The following ITFG1 variants were observed in gnomAD, a reference collection of about 807,000 sequenced individuals.
ITFG1 encodes the protein T-cell immunomodulatory protein.
Under a neutral mutation model 81.8 loss-of-function variants are expected in ITFG1, and 34 were observed. The observed-to-expected ratio is 0.42, with a 90% CI of 0.32 to 0.55. ITFG1 has a LOEUF of 0.55. Ranked by LOEUF, ITFG1 falls within the 20% of genes least tolerant of loss-of-function variation. The probability of loss-of-function intolerance (pLI) is 0.17; values close to 1 mark genes in which losing one functional copy is unlikely to be tolerated. For synonymous variants in ITFG1, 285 were observed against 270.6 expected, an observed-to-expected ratio of 1.05 and a Z score of -0.52; for missense variants, 672 against 755.4, an observed-to-expected ratio of 0.89 and a Z score of 1.29.
chr16:47,354,451 T>TA (rs909674796), intron 8 of ITFG1, among the ~76,000 whole-genome samples: 4 of 152,102 alleles, frequency 2.6e-5, no homozygotes, highest in Admixed American at 6.6e-5. Context: ...CTGAAACTAC[T>TA]AAAAAAATAC....
chr16:47,379,908 A>G (rs1035084078), intron 6 of ITFG1, among the ~76,000 whole-genome samples: 2 of 152,130 alleles, frequency 1.3e-5, no homozygotes, highest in African/African-American at 4.8e-5. Flanking sequence ...AATATGAGGC[A>G]AACACTAATG....
intron 14 of ITFG1, among the ~76,000 whole-genome samples, chr16:47,173,341 G>T (rs1964983185): frequency 6.6e-6 from 1 of 152,138 alleles, no homozygotes; most frequent in Non-Finnish European, 1.5e-5. Flanking sequence ...TGAGGGCTGA[G>T]ATTTGAGTCT....
chr16:47,270,078 A>G (rs1466299364), intron 10 of ITFG1, among the ~76,000 whole-genome samples: 1 of 152,188 alleles, frequency 6.6e-6, no homozygotes, highest in Non-Finnish European at 1.5e-5. Flanking sequence ...AGGAACTCGG[A>G]TATAATGGAT....
intron 8 of ITFG1, among the ~76,000 whole-genome samples, chr16:47,344,402 G>T (rs746178518): frequency 3.9e-5 from 6 of 152,148 alleles, no homozygotes; most frequent in Non-Finnish European, 7.4e-5. Flanking sequence ...CCAAAACTGA[G>T]ATTGTTGTTA....
In ITFG1 at chr16:47,221,711, T is replaced by A. The variant is rs2151528079; in HGVS notation, c.1375-2765A>T. ...GAATTCGGCTGTGAATCCCATCAGG[T>A]CCTGGACTCTTTTTGGTTGGTAAGC... On this transcript the variant is annotated intron_variant, in intron 13 of 17. Coordinates refer to ENST00000320640, the MANE Select transcript of ITFG1 (RefSeq NM_030790.5). 1.3e-5 allele frequency among the ~76,000 whole-genome samples: 2 copies of A among 152,314 alleles called. 1 individual carries two copies. The highest frequency in any genetic ancestry group is 4.1e-4 in the South Asian group (2 of 4,820).
chr16:47,410,954 C>G (rs1270438884), intron 6 of ITFG1, among the ~76,000 whole-genome samples: 2 of 152,162 alleles, frequency 1.3e-5, no homozygotes, highest in African/African-American at 4.8e-5. Flanking sequence ...GCCACCCCAT[C>G]CGCCAGCCTC....
upstream of ITFG1, chr16:47,461,106 C>T (rs1969537333): frequency 1.5e-5 from 21 of 1,423,410 alleles, no homozygotes; most frequent in Non-Finnish European, 2.0e-5. Flanking sequence ...CCGCAAAGCA[C>T]CGCGTTACCG....
At chr16:47,352,164 C>T (rs543155873) in intron 8 of ITFG1, among the ~76,000 whole-genome samples, 1 of 152,110 alleles carries the variant, frequency 6.6e-6, no homozygotes, top group African/African-American at 2.4e-5. Flanking sequence ...ACTTCATGTC[C>T]CAAATACCAA....
chr16:47,415,228 A>G (rs1968859486), intron 6 of ITFG1, among the ~76,000 whole-genome samples: 1 of 152,220 alleles, frequency 6.6e-6, no homozygotes, highest in African/African-American at 2.4e-5. Flanking sequence ...TTTAGTTATG[A>G]AATGAGGTGA....
chr16:47,313,945 A>G (rs1596885286), intron 8 of ITFG1, 122 bp from the exon 9 acceptor site: 2 of 492,234 alleles, frequency 4.1e-6, no homozygotes, highest in Admixed American at 8.2e-5. Flanking sequence ...AGAATTTGAC[A>G]CATGGCTTCA....
At chr16:47,351,698 T>C (rs956861831) in intron 8 of ITFG1, among the ~76,000 whole-genome samples, 2 of 144,678 alleles carry the variant, frequency 1.4e-5, no homozygotes, top group South Asian at 2.4e-4. Context: ...CTTCAGAGAA[T>C]TGGAAAAAGC....
intron 13 of ITFG1, among the ~76,000 whole-genome samples, chr16:47,224,126 G>A (rs1370152488): frequency 3.3e-5 from 5 of 152,034 alleles, no homozygotes; most frequent in African/African-American, 1.2e-4. Context: ...TGACGAGTTA[G>A]TGGGTGCAGC....
At chr16:47,180,796 G>A (rs528497976) in intron 14 of ITFG1, among the ~76,000 whole-genome samples, 259 of 152,096 alleles carry the variant, frequency 1.7e-3, no homozygotes, top group Middle Eastern at 0.017. Context: ...GCCTCTGCCC[G>A]GCCGCCACCC....
At chr16:47,228,211 GGAGT>G (rs1023099588) in intron 13 of ITFG1, among the ~76,000 whole-genome samples, 1 of 152,148 alleles carries the variant, frequency 6.6e-6, no homozygotes, top group Non-Finnish European at 1.5e-5. Flanking sequence ...ACAGAATTAA[GGAGT>G]GAGTAATATT....
intron 2 of ITFG1, among the ~76,000 whole-genome samples, chr16:47,454,627 A>AT (rs1969429536): frequency 6.6e-6 from 1 of 152,182 alleles, no homozygotes; most frequent in Non-Finnish European, 1.5e-5. Flanking sequence ...TAAAAGAATC[A>AT]TTTTATTTCT....
At chr16:47,317,523 T>G (rs536300601) in intron 8 of ITFG1, 2 of 152,356 alleles carry the variant, frequency 1.3e-5, no homozygotes, top group Admixed American at 6.5e-5. Flanking sequence ...TTTCCAACTT[T>G]GTTAACCACA....
intron 8 of ITFG1, among the ~76,000 whole-genome samples, chr16:47,347,766 C>A (rs532562116): frequency 6.6e-6 from 1 of 152,332 alleles, no homozygotes; most frequent in Non-Finnish European, 1.5e-5. Context: ...TCTCTGACCC[C>A]CAAGTAGCCT....
chr16:47,460,895 C>T lies in ITFG1; in HGVS notation c.151G>A (p.Ala51Thr). 1 of 1,613,636 alleles carries T rather than the reference C, an allele frequency of 6.2e-7. No individual in the cohort carries two copies. Among genetic ancestry groups the T allele is most frequent in the East Asian group, 2.2e-5 (1 of 44,856 alleles). Residue 51 changes from alanine (A) to threonine (T), a missense_variant, in exon 1 of 18, where the codon GCG (alanine) becomes ACG (threonine). By Grantham distance (58) the Ala-to-Thr change is moderately conservative. Transcript: ENST00000320640. ...LFGAEAWGTL[A>T]AFGDLNSDKQ... is the part of the protein sequence containing the mutation. ...TCGGAGTTGAGGTCCCCGAAAGCCG[C>T]AAGGGTGCCCCAGGCCTCGGCCCCA...
At chr16:47,250,190 G>A (rs1025896748) in intron 12 of ITFG1, among the ~76,000 whole-genome samples, 1 of 151,992 alleles carries the variant, frequency 6.6e-6, no homozygotes, top group Non-Finnish European at 1.5e-5. Flanking sequence ...TTCTATGGAA[G>A]ATTTTTTGGT....
Sources: allele counts gnomAD v4.1 joint callset (sites outside exome capture counted in the v4.1 genomes callset), GRCh38; gene constraint gnomAD v4.1.1; transcripts MANE v1.5; gene names NCBI Gene and HGNC (gene_info 2026-07-23, HGNC 2026-07-21).